RPGRIP1L: variants seen among roughly 807,000 people sequenced by gnomAD.
RPGRIP1L encodes RPGRIP1 like.
In RPGRIP1L, 131 loss-of-function variants were observed where a neutral mutation model predicts 160.4. That is an observed-to-expected ratio of 0.82 (90% CI 0.71 to 0.94). The LOEUF (loss-of-function observed/expected upper bound fraction) is 0.94, where lower values mean the gene tolerates loss of function less well. Ranked by LOEUF, RPGRIP1L falls within the 40% of genes least tolerant of loss-of-function variation. The probability of loss-of-function intolerance (pLI) is 0.00; values close to 1 mark genes in which losing one functional copy is unlikely to be tolerated. For synonymous variants in RPGRIP1L, 510 were observed against 515.8 expected, an observed-to-expected ratio of 0.99 and a Z score of 0.15; for missense variants, 1,522 against 1,535.8, an observed-to-expected ratio of 0.99 and a Z score of 0.15.
intron 2 of RPGRIP1L, among the ~76,000 whole-genome samples, chr16:53,697,669 T>C (rs1970895125): frequency 6.6e-6 from 1 of 152,178 alleles, no homozygotes. Flanking sequence ...CAGTGCTCAA[T>C]GGTGCCCAGG....
intron 18 of RPGRIP1L, 41 bp from the exon 19 acceptor site, chr16:53,641,157 C>A: frequency 6.4e-7 from 1 of 1,563,922 alleles, no homozygotes; most frequent in Non-Finnish European, 8.8e-7. Flanking sequence ...AGTATGATGA[C>A]CATTAGATTT....
At chr16:53,691,909 T>G (rs1970408777) in intron 4 of RPGRIP1L, among the ~76,000 whole-genome samples, 157 bp downstream of exon 4, 1 of 152,242 alleles carries the variant, frequency 6.6e-6, no homozygotes, top group African/African-American at 2.4e-5. Flanking sequence ...TTAAATAATC[T>G]TCACTGACAA....
At chr16:53,651,836 C>T (rs748496933) in intron 15 of RPGRIP1L, among the ~76,000 whole-genome samples, 3 of 151,928 alleles carry the variant, frequency 2.0e-5, no homozygotes, top group East Asian at 3.9e-4. Flanking sequence ...ACAGTGATAA[C>T]ATAAGGTCTT....
chr16:53,686,144 T>A (rs1048409378), intron 6 of RPGRIP1L, among the ~76,000 whole-genome samples: 1 of 152,196 alleles, frequency 6.6e-6, no homozygotes, highest in African/African-American at 2.4e-5. Flanking sequence ...TCAAATGGTA[T>A]CAGAACTTCC....
chr16:53,611,015 C>T lies in RPGRIP1L; in HGVS notation c.3653G>A (p.Arg1218Lys). ...YVDKENNKAK[R>K]DILKAILQKQ... ...TTGTAGTATAGCTTTTAAGATGTCTCTCTTTGCTTTGTTGTTTTCTTTATC... is the reference window on the plus strand; with the variant it reads ...TTGTAGTATAGCTTTTAAGATGTCTTTCTTTGCTTTGTTGTTTTCTTTATC... The change falls in exon 25 of 27, where the codon AGA (arginine) becomes AAA (lysine). Residue 1218 changes from arginine to lysine, a missense_variant. Physicochemically the swap from Arg to Lys is conservative, Grantham distance 26. Coordinates refer to ENST00000647211, the MANE Select transcript of RPGRIP1L (RefSeq NM_015272.5). 6.2e-7 allele frequency: 1 copy of T among 1,613,532 alleles called. No individual in the cohort carries two copies.
At chr16:53,608,933 G>A (rs1186257493) in intron 25 of RPGRIP1L, among the ~76,000 whole-genome samples, 2 of 152,214 alleles carry the variant, frequency 1.3e-5, no homozygotes, top group Non-Finnish European at 2.9e-5. Context: ...TGCATGGCCA[G>A]CACTGAAACA....
Position 53,626,531 on chromosome 16 carries a change from G to A in RPGRIP1L, c.3295-4175C>T, listed in dbSNP as rs140799001. ...TATAAATTTTGATTGTGGGCTGGCCGTGGGGACTCACGCCTGTAATCCCAG... is the reference window on the plus strand; with the variant it reads ...TATAAATTTTGATTGTGGGCTGGCCATGGGGACTCACGCCTGTAATCCCAG... On this transcript the variant is annotated intron_variant, in intron 22 of 26. Transcript: ENST00000647211. Among the ~76,000 whole-genome samples, 299 of 152,200 alleles carry A rather than the reference G, an allele frequency of 2.0e-3. 1 individual carries two copies. The highest frequency in any genetic ancestry group is 7.0e-3 in the African/African-American group (292 of 41,514).
chr16:53,678,263 A>G (rs535420109), intron 6 of RPGRIP1L, among the ~76,000 whole-genome samples: 2 of 152,164 alleles, frequency 1.3e-5, no homozygotes, highest in Non-Finnish European at 2.9e-5. Flanking sequence ...GTCCAAAAAA[A>G]AGTAATCCAG....
At chr16:53,658,716 T>C in intron 11 of RPGRIP1L, 56 bp downstream of exon 11, 1 of 1,212,100 alleles carries the variant, frequency 8.3e-7, no homozygotes, top group Non-Finnish European at 1.2e-6. Flanking sequence ...TCTCTATGCA[T>C]AAAATATTGA....
chr16:53,676,774 A>T lies in RPGRIP1L; in HGVS notation c.777-1652T>A, dbSNP rs11075980. The stretch of plus-strand genomic sequence containing the variant: ...CAGCTTCCTGAGTAGCAGGGACTAC[A>T]GGCGCGTGCCACCATGCACAGCTGA... On this transcript the variant is annotated intron_variant, in intron 6 of 26. Coordinates refer to ENST00000647211, the MANE Select transcript of RPGRIP1L (RefSeq NM_015272.5). Among the ~76,000 whole-genome samples, 6 of 152,034 alleles carry T rather than the reference A, an allele frequency of 3.9e-5. No homozygotes were observed. The East Asian group carries it at 1.2e-3, about 29-fold the overall frequency.
In RPGRIP1L at chr16:53,636,447, T is replaced by C; in HGVS notation, c.3286A>G (p.Ile1096Val). 6.2e-7 allele frequency: 1 copy of C among 1,609,560 alleles called. No individual in the cohort carries two copies. Among genetic ancestry groups the C allele is most frequent in the Non-Finnish European group, 8.5e-7 (1 of 1,176,066 alleles). Residue 1096 changes from isoleucine to valine, a missense_variant, in exon 22 of 27, where the codon ATC (isoleucine) becomes GTC (valine). Physicochemically the swap from Ile to Val is conservative, Grantham distance 29 (BLOSUM62 3). Transcript: ENST00000647211. ...GGCATCAAGTTACTGACCTGTTTGA[T>C]ATTCTTGGAGATAGGACCTGGAATA... ...CIIPGPISKN[I>V]KQSLALSPGL...
At chr16:53,616,061 C>A (rs1328168534) in intron 24 of RPGRIP1L, among the ~76,000 whole-genome samples, 2 of 152,184 alleles carry the variant, frequency 1.3e-5, no homozygotes, top group Non-Finnish European at 2.9e-5. Flanking sequence ...AGATTCAAGT[C>A]ACAATGCAGG....
At chr16:53,607,076 G>A (rs532162437) in intron 25 of RPGRIP1L, among the ~76,000 whole-genome samples, 55 of 152,210 alleles carry the variant, frequency 3.6e-4, no homozygotes, top group African/African-American at 1.3e-3. Context: ...GAGTGGTTAA[G>A]GGCATTCATT....
At chr16:53,671,400 C>G in intron 9 of RPGRIP1L, 110 bp downstream of exon 9, 3 of 723,678 alleles carry the variant, frequency 4.1e-6, no homozygotes, top group Non-Finnish European at 2.4e-6. Context: ...TTCTTGCTAT[C>G]ATTTGTTGCT....
intron 14 of RPGRIP1L, among the ~76,000 whole-genome samples, chr16:53,654,509 T>G (rs1040335543): frequency 2.0e-5 from 3 of 152,242 alleles, no homozygotes; most frequent in Non-Finnish European, 2.9e-5. Flanking sequence ...GCCTGAATCT[T>G]GAGGTAGAAA....
intron 7 of RPGRIP1L, among the ~76,000 whole-genome samples, chr16:53,673,409 T>C (rs994348734): frequency 4.6e-5 from 7 of 152,206 alleles, no homozygotes; most frequent in African/African-American, 1.7e-4. Flanking sequence ...CCACAGATAT[T>C]CGAACTGAAG....
Position 53,622,326 on chromosome 16 carries a change from T to C in RPGRIP1L, c.3325A>G (p.Ser1109Gly). 1.6e-6 allele frequency: 1 copy of C among 643,918 alleles called. No individual in the cohort carries two copies. The highest frequency in any genetic ancestry group is 1.7e-5 in the South Asian group (1 of 59,846). 39.9% of individuals were successfully genotyped at this position (643,918 alleles called of 1,614,324 possible). The change falls in exon 23 of 27, where the codon AGT becomes GGT. Residue 1109 changes from serine to glycine, a missense_variant. Transcript: ENST00000647211. ...TTGCAGTGAGCTGAGATCGCGCTAC[T>C]GCACCCCAGCCCGGGAGACAATGCG... ...SLALSPGLGC[S>G]SAISAHCNFR...
Position 53,611,039 on chromosome 16 carries a change from T to A in RPGRIP1L, c.3629A>T (p.Asp1210Val), listed in dbSNP as rs1266038525. Residue 1210 changes from aspartate (D) to valine (V), a missense_variant, in exon 25 of 27, where the codon GAT (aspartate) becomes GTT (valine). Physicochemically the swap from Asp to Val is radical, Grantham distance 152. Coordinates refer to ENST00000647211, the MANE Select transcript of RPGRIP1L (RefSeq NM_015272.5). ...YYNYSNVIYVDKENNKAKRDI... is the reference protein window; with the variant it reads ...YYNYSNVIYVVKENNKAKRDI... ...TCTCTTTGCTTTGTTGTTTTCTTTA[T>A]CCACGTAGATCACTATACCAAAAGA... The A allele has an allele frequency of 6.2e-7, 1 of 1,611,682 alleles. No homozygotes were observed. The highest frequency in any genetic ancestry group is 8.5e-7 in the Non-Finnish European group (1 of 1,178,242).
rs1966765597 is a variant in RPGRIP1L, at chr16:53,648,905, T to C, written c.2304+59A>G. On this transcript the variant is annotated intron_variant, in intron 16 of 26. Transcript: ENST00000647211. The stretch of plus-strand genomic sequence containing the variant: ...TGATTTTAGTTTAAAGCACGACACA[T>C]AAATAAATATTATAAAATTTCTATG... 5 of 1,462,392 alleles carry C rather than the reference T, an allele frequency of 3.4e-6. No individual in the cohort carries two copies. The South Asian group carries it at 5.7e-5, about 17-fold the overall frequency. The allele number at this position is 1,462,392 out of a possible 1,614,324, so 90.6% of individuals were successfully genotyped here.
Sources: gnomAD v4.1 joint callset for allele counts (sites outside exome capture counted in the v4.1 genomes callset) on GRCh38, gnomAD v4.1.1 for gene constraint, MANE v1.5 for transcripts, NCBI Gene and HGNC (gene_info 2026-07-23, HGNC 2026-07-21) for gene names.